The following HNRNPDL variants were observed in gnomAD, a reference collection of about 807,000 sequenced individuals.
The protein encoded by HNRNPDL is heterogeneous nuclear ribonucleoprotein D like.
A neutral mutation model predicts 48.0 loss-of-function variants in HNRNPDL; 18 were observed. The ratio of observed to expected loss-of-function variants is 0.38; its 90% confidence interval spans 0.26 to 0.56. The LOEUF (loss-of-function observed/expected upper bound fraction) is 0.56. Among genes scored for constraint, HNRNPDL ranks in the 20% least tolerant of loss-of-function variants. HNRNPDL has a pLI of 0.77. For missense variants in HNRNPDL, 553 were observed against 540.7 expected (o/e 1.02, Z -0.23); for synonymous variants, 306 against 207.3 (o/e 1.48, Z -4.09).
At chr4:82,428,597 A>C in intron 1 of HNRNPDL, 151 bp from the exon 2 acceptor site, 1 of 666,628 alleles carries the variant, frequency 1.5e-6, no homozygotes, top group Non-Finnish European at 2.5e-6. Context: ...TCACACAAAA[A>C]TCCCAATATC....
In HNRNPDL at chr4:82,429,528, G is replaced by C. The variant is rs557384403; in HGVS notation, c.163C>G (p.Arg55Gly). The change falls in exon 1 of 8, where the codon CGC (arginine) becomes GGC (glycine). Residue 55 changes from arginine (R) to glycine (G), a missense_variant. By Grantham distance (125) the Arg-to-Gly change is moderately radical (BLOSUM62 -2). Transcript: ENST00000295470. ...LAPSSARQGA[R>G]RAQRHVTAQQ... ...GCGGTGACGTGGCGCTGGGCCCGGC[G>C]CGCCCCCTGCCGGGCGGAGCTGGGA... The C allele has an allele frequency of 7.4e-6, 11 of 1,488,132 alleles. No homozygotes were observed. The South Asian group carries it at 1.4e-4, about 19-fold the overall frequency. 92.2% of individuals were successfully genotyped at this position (1,488,132 alleles called of 1,614,324 possible).
Position 82,427,281 on chromosome 4 carries a change from G to A in HNRNPDL, c.930C>T (p.Pro310=). 1 of 1,602,680 alleles carries A rather than the reference G, an allele frequency of 6.2e-7. No individual in the cohort carries two copies. Among genetic ancestry groups the A allele is most frequent in the South Asian group, 1.1e-5 (1 of 88,094 alleles). ...SGKCEIKVAQ[P]KEVYRQQQQQ... is the part of the protein sequence containing the mutation. ...GCTGTTGCTGCCTATATACCTCTTTGGGTTGTGCAACTTTGATTTCACACT... is the reference window on the plus strand; with the variant it reads ...GCTGTTGCTGCCTATATACCTCTTTAGGTTGTGCAACTTTGATTTCACACT... The change falls in exon 5 of 8, where the codon CCC becomes CCT. Residue 310 remains proline (P), a synonymous_variant. Transcript: ENST00000295470.
At position 82,423,909 on chromosome 4, in the gene HNRNPDL, C is replaced by T. The variant is rs532089301; in HGVS notation, c.*997G>A. On this transcript the variant is annotated 3_prime_UTR_variant, in exon 8 of 8. Coordinates refer to ENST00000295470, the MANE Select transcript of HNRNPDL (RefSeq NM_031372.4). Reference sequence around the variant, plus strand: ...TGCACTGTGTCAAAAACTAGATTTACTATCAAGACTTTTTCTAAACTCACA... The same window carrying T: ...TGCACTGTGTCAAAAACTAGATTTATTATCAAGACTTTTTCTAAACTCACA... 2 of 152,316 alleles carry T rather than the reference C, an allele frequency of 1.3e-5. No homozygotes were observed. Among genetic ancestry groups the T allele is most frequent in the Admixed American group, 6.5e-5 (1 of 15,288 alleles). 9.4% of individuals were successfully genotyped at this position (152,316 alleles called of 1,614,324 possible).
rs771764838 is a variant in HNRNPDL at position 82,427,309 on chromosome 4, A to G, written c.907-5T>C. ...TTGTGCAACTTTGATTTCACACTAT[A>G]AACAAAAAACATGAAAGTATAATTT... On this transcript the variant is annotated splice_region_variant and splice_polypyrimidine_tract_variant and intron_variant, in intron 4 of 7. Transcript: ENST00000295470. The G allele has an allele frequency of 4.5e-6, 7 of 1,568,190 alleles. No individual in the cohort carries two copies. Among genetic ancestry groups the G allele is most frequent in the Admixed American group, 2.0e-5 (1 of 49,076 alleles).
chr4:82,424,446 G>C lies in HNRNPDL; in HGVS notation c.*460C>G, dbSNP rs1260520403. On this transcript the variant is annotated 3_prime_UTR_variant, in exon 8 of 8. Coordinates refer to ENST00000295470, the MANE Select transcript of HNRNPDL (RefSeq NM_031372.4). ...ATCTCAGTTACAGGGAGAAGATGAAGCCTTAAGAGCATAAAATACACCTAC... is the reference window on the plus strand; with the variant it reads ...ATCTCAGTTACAGGGAGAAGATGAACCCTTAAGAGCATAAAATACACCTAC... 2 of 152,656 alleles carry C rather than the reference G, an allele frequency of 1.3e-5. No individual in the cohort carries two copies. Among genetic ancestry groups the C allele is most frequent in the Non-Finnish European group, 2.9e-5 (2 of 68,048 alleles). The allele number at this position is 152,656 out of a possible 1,614,324, so 9.5% of individuals were successfully genotyped here.
In HNRNPDL at chr4:82,428,347, T is replaced by C; in HGVS notation, c.543A>G (p.Thr181=). ...CTCTTGATCTCCCAGTGACTGGATC[T>C]GTTTTAATTGTGCAGTCTACAACTT... The part of the protein sequence containing the change: ...FGEVVDCTIK[T]DPVTGRSRGF... Residue 181 remains threonine (T), a synonymous_variant, in exon 2 of 8, where the codon ACA becomes ACG. Transcript: ENST00000295470. 1 of 1,614,046 alleles carries C rather than the reference T, an allele frequency of 6.2e-7. No individual in the cohort carries two copies. Among genetic ancestry groups the C allele is most frequent in the Non-Finnish European group, 8.5e-7 (1 of 1,179,898 alleles).
rs1259032091 is a variant in HNRNPDL at position 82,423,835 on chromosome 4, T to C, written c.*1071A>G. The C allele has an allele frequency of 1.3e-5, 2 of 152,228 alleles. No homozygotes were observed. The highest frequency in any genetic ancestry group is 6.5e-5 in the Admixed American group (1 of 15,284). 9.4% of individuals were successfully genotyped at this position (152,228 alleles called of 1,614,324 possible). On this transcript the variant is annotated 3_prime_UTR_variant, in exon 8 of 8. Coordinates refer to ENST00000295470, the MANE Select transcript of HNRNPDL (RefSeq NM_031372.4). Reference sequence around the variant, plus strand: ...ATGACTTTGTCATAACCAAGATACCTTTTCCACTATTCCTTTCTGAATATG... The same window carrying C: ...ATGACTTTGTCATAACCAAGATACCCTTTCCACTATTCCTTTCTGAATATG...
Position 82,429,354 on chromosome 4 carries a change from G to GCCCC in HNRNPDL, c.336_337insGGGG (p.Pro113GlyfsTer36). 6.2e-7 allele frequency: 1 copy of GCCCC among 1,613,706 alleles called. No homozygotes were observed. The highest frequency in any genetic ancestry group is 8.5e-7 in the Non-Finnish European group (1 of 1,179,904). On this transcript the variant is annotated frameshift_variant, in exon 1 of 8. Coordinates refer to ENST00000295470, the MANE Select transcript of HNRNPDL (RefSeq NM_031372.4). LOFTEE classifies it high-confidence loss of function. ...TCCATAGTGACGGAGCTGTCGGCAG[G>GCCCC]GGGGTGCTGGCGCGCAGTCCGGGTC...
chr4:82,423,680 T>C lies in HNRNPDL; in HGVS notation c.*1226A>G, dbSNP rs992535039. On this transcript the variant is annotated 3_prime_UTR_variant, in exon 8 of 8. Coordinates refer to ENST00000295470, the MANE Select transcript of HNRNPDL (RefSeq NM_031372.4). ...GGTCCCAAAATCCAACTACACTGAA[T>C]GCAAAATCCAAAGCTTTTTATTATT... is the stretch of plus-strand genomic sequence containing the variant. The C allele has an allele frequency of 1.3e-5, 2 of 152,192 alleles. No individual in the cohort carries two copies. The highest frequency in any genetic ancestry group is 4.8e-5 in the African/African-American group (2 of 41,444). 9.4% of individuals were successfully genotyped at this position (152,192 alleles called of 1,614,324 possible).
At position 82,424,822 on chromosome 4, in the gene HNRNPDL, A is replaced by G. The variant is rs1167664438; in HGVS notation, c.*84T>C. ...AAGTCTTTTACAAAATAATCATCTT[A>G]GATCAACAGAAGACCAATCTTCAAT... On this transcript the variant is annotated 3_prime_UTR_variant, in exon 8 of 8. Transcript: ENST00000295470. The G allele has an allele frequency of 2.0e-5, 3 of 152,250 alleles. No homozygotes were observed. The East Asian group carries it at 5.8e-4, about 29-fold the overall frequency. The allele number at this position is 152,250 out of a possible 1,614,324, so 9.4% of individuals were successfully genotyped here. A position where few individuals can be genotyped will look rare whatever the true frequency, so the allele number is the denominator to read the frequency against.
chr4:82,428,530 A>G (rs1721515038), intron 1 of HNRNPDL, 84 bp from the exon 2 acceptor site: 1 of 1,095,626 alleles, frequency 9.1e-7, no homozygotes, highest in African/African-American at 1.6e-5. Flanking sequence ...AAATAAAAAC[A>G]GGGACATTTA....
At chr4:82,428,592 C>T (rs1189736858) in intron 1 of HNRNPDL, 146 bp from the exon 2 acceptor site, 8 of 686,694 alleles carry the variant, frequency 1.2e-5, no homozygotes, top group Non-Finnish European at 1.9e-5. Context: ...CTATGTCACA[C>T]AAAAATCCCA....
chr4:82,427,694 C>A (rs1721475270), intron 3 of HNRNPDL, 130 bp from the exon 4 acceptor site: 1 of 798,264 alleles, frequency 1.3e-6, no homozygotes, highest in Non-Finnish European at 2.1e-6. Context: ...ACAGACATCA[C>A]TGCTTTATGA....
At chr4:82,426,246 T>C in intron 6 of HNRNPDL, 117 bp from the exon 7 acceptor site, 2 of 982,552 alleles carry the variant, frequency 2.0e-6, no homozygotes, top group South Asian at 2.7e-5. Flanking sequence ...TAAGATATTT[T>C]AGCACCCATT....
rs1578086963 is a variant in HNRNPDL at position 82,429,520 on chromosome 4, G to C, written c.171C>G (p.Ala57=). The C allele has an allele frequency of 6.7e-7, 1 of 1,498,678 alleles. No homozygotes were observed. Among genetic ancestry groups the C allele is most frequent in the African/African-American group, 1.4e-5 (1 of 69,104 alleles). 92.8% of individuals were successfully genotyped at this position (1,498,678 alleles called of 1,614,324 possible). Reference sequence around the variant, plus strand: ...GCTGCTGGGCGGTGACGTGGCGCTGGGCCCGGCGCGCCCCCTGCCGGGCGG... The same window carrying C: ...GCTGCTGGGCGGTGACGTGGCGCTGCGCCCGGCGCGCCCCCTGCCGGGCGG... The part of the protein sequence containing the change: ...PSSARQGARR[A]QRHVTAQQPS... Residue 57 remains alanine (A), a synonymous_variant, in exon 1 of 8, where the codon GCC becomes GCG. Transcript: ENST00000295470.
At chr4:82,427,075 C>A (rs1721442351) in intron 5 of HNRNPDL, 115 bp downstream of exon 5, 4 of 790,942 alleles carry the variant, frequency 5.1e-6, no homozygotes, top group South Asian at 1.5e-5. Flanking sequence ...GAACAGTCCC[C>A]CCTCCGCTGG....
At position 82,429,357 on chromosome 4, in the gene HNRNPDL, G is replaced by A. The variant is rs752832546; in HGVS notation, c.334C>T (p.Pro112Ser). 3.1e-6 allele frequency: 5 copies of A among 1,613,654 alleles called. No homozygotes were observed. The highest frequency in any genetic ancestry group is 2.2e-5 in the East Asian group (1 of 44,824). The change falls in exon 1 of 8, where the codon CCC becomes TCC. Residue 112 changes from proline to serine, a missense_variant. This residue lies in a region of HNRNPDL where 327 missense variants were observed against 203.2 expected (regional missense o/e 1.61). Transcript: ENST00000295470. ...AAATRTARQH[P>S]PADSSVTMED... ...ATAGTGACGGAGCTGTCGGCAGGGGGGTGCTGGCGCGCAGTCCGGGTCGCG... is the reference window on the plus strand; with the variant it reads ...ATAGTGACGGAGCTGTCGGCAGGGGAGTGCTGGCGCGCAGTCCGGGTCGCG...
chr4:82,423,111 C>G lies in HNRNPDL; in HGVS notation c.*1795G>C, dbSNP rs1721255266. The stretch of plus-strand genomic sequence containing the variant: ...CCCCTGCAAGAAAAACCAATTCTCA[C>G]TCCCCCTTCAATTCTTTGCAAAACA... On this transcript the variant is annotated 3_prime_UTR_variant, in exon 8 of 8. Transcript: ENST00000295470. 6.6e-6 allele frequency: 1 copy of G among 152,028 alleles called. No individual in the cohort carries two copies. The highest frequency in any genetic ancestry group is 1.5e-5 in the Non-Finnish European group (1 of 67,998). The allele number at this position is 152,028 out of a possible 1,614,324, so 9.4% of individuals were successfully genotyped here. A position where few individuals can be genotyped will look rare whatever the true frequency, so the allele number is the denominator to read the frequency against.
In HNRNPDL at chr4:82,424,024, A is replaced by T. The variant is rs558576841; in HGVS notation, c.*882T>A. The stretch of plus-strand genomic sequence containing the variant: ...TGGCGGCTCTGAGAAAACACAACTA[A>T]ATCTTATTTTGCCACTATTTTAATT... On this transcript the variant is annotated 3_prime_UTR_variant, in exon 8 of 8. Coordinates refer to ENST00000295470, the MANE Select transcript of HNRNPDL (RefSeq NM_031372.4). The T allele has an allele frequency of 3.3e-5, 5 of 152,268 alleles. No individual in the cohort carries two copies. Among genetic ancestry groups the T allele is most frequent in the African/African-American group, 1.2e-4 (5 of 41,548 alleles). The allele number at this position is 152,268 out of a possible 1,614,324, so 9.4% of individuals were successfully genotyped here.
Sources: gnomAD v4.1 joint callset for allele counts on GRCh38, gnomAD v4.1.1 for gene constraint, gnomAD v4.1.1 regional missense constraint, MANE v1.5 for transcripts, NCBI Gene and HGNC (gene_info 2026-07-23, HGNC 2026-07-21) for gene names.